SIL1: variants seen among roughly 807,000 people sequenced by gnomAD.
The protein encoded by SIL1 is nucleotide exchange factor SIL1.
In SIL1, 40 loss-of-function variants were observed where a neutral mutation model predicts 49.1. That is an observed-to-expected ratio of 0.81 (90% CI 0.63 to 1.06). SIL1 has a LOEUF of 1.06. Ranked by LOEUF, SIL1 falls within the 50% of genes least tolerant of loss-of-function variation. The pLI, the probability that SIL1 is intolerant of heterozygous loss-of-function variation, is 0.00. For missense variants in SIL1, 500 were observed against 572.6 expected (o/e 0.87, Z 1.29); for synonymous variants, 253 against 250.8 (o/e 1.01, Z -0.08).
At chr5:139,057,314 T>TAAAAAAAAAAAAAAAAAA (rs67544778) in intron 3 of SIL1, among the ~76,000 whole-genome samples, 2 of 73,384 alleles carry the variant, frequency 2.7e-5, no homozygotes, top group Non-Finnish European at 5.6e-5. Flanking sequence ...GAATGATCAA[T>TAAAAAAAAAAAAAAAAAA]AAAAAAAAAA....
intron 1 of SIL1, among the ~76,000 whole-genome samples, chr5:139,141,249 G>C (rs1230505956): frequency 2.0e-5 from 3 of 152,100 alleles, no homozygotes; most frequent in Non-Finnish European, 2.9e-5. Flanking sequence ...AATAGCCATT[G>C]ATTTAATAAA....
intron 5 of SIL1, among the ~76,000 whole-genome samples, chr5:139,033,938 G>A (rs574645289): frequency 2.0e-5 from 3 of 152,274 alleles, no homozygotes; most frequent in Admixed American, 1.3e-4. Flanking sequence ...AACTGTAATT[G>A]CGGATTTGTC....
intron 3 of SIL1, among the ~76,000 whole-genome samples, chr5:139,069,185 G>A (rs1190441058): frequency 6.6e-6 from 1 of 152,114 alleles, no homozygotes; most frequent in Non-Finnish European, 1.5e-5. Flanking sequence ...CTACTTGGGA[G>A]GCTGAGGTGG....
chr5:139,134,272 A>G (rs895630877), intron 1 of SIL1, among the ~76,000 whole-genome samples: 5 of 152,132 alleles, frequency 3.3e-5, no homozygotes, highest in African/African-American at 1.2e-4. Context: ...CGAGTAGCAG[A>G]TATGGTGTGC....
At chr5:138,989,255 C>T (rs1300263132) in intron 7 of SIL1, among the ~76,000 whole-genome samples, 1 of 152,064 alleles carries the variant, frequency 6.6e-6, no homozygotes, top group Non-Finnish European at 1.5e-5. Context: ...AAACAAGAAT[C>T]TTATATATCC....
chr5:139,094,791 C>T (rs1310036558), intron 3 of SIL1, among the ~76,000 whole-genome samples: 1 of 152,188 alleles, frequency 6.6e-6, no homozygotes, highest in African/African-American at 2.4e-5. Context: ...CATGAATATC[C>T]TCTTCCTGTT....
chr5:139,035,072 G>T, intron 5 of SIL1: 2 of 196,584 alleles, frequency 1.0e-5, no homozygotes, highest in East Asian at 1.4e-4. Flanking sequence ...GTCTTCTTTT[G>T]AAAAGTGTCT....
rs191933817 is a variant in SIL1, at chr5:139,033,880, G to A, written c.454-6888C>T. Reference sequence around the variant, plus strand: ...AGCTCTTTAATACCCTTACTGATCCGCTGTCTAGTAGTTCTAGCAATTCTG... The same window carrying A: ...AGCTCTTTAATACCCTTACTGATCCACTGTCTAGTAGTTCTAGCAATTCTG... On this transcript the variant is annotated intron_variant, in intron 5 of 9. Coordinates refer to ENST00000394817, the MANE Select transcript of SIL1 (RefSeq NM_022464.5). Among the ~76,000 whole-genome samples the A allele has an allele frequency of 8.9e-4, 135 of 152,234 alleles. 1 individual carries two copies. Among genetic ancestry groups the A allele is most frequent in the African/African-American group, 3.0e-3 (126 of 41,560 alleles).
chr5:138,973,651 G>A (rs950505592), intron 7 of SIL1, among the ~76,000 whole-genome samples: 6 of 152,022 alleles, frequency 3.9e-5, no homozygotes, highest in African/African-American at 1.4e-4. Flanking sequence ...TAGAGCTGAG[G>A]TCTCACTATG....
At chr5:139,187,516 T>G (rs1752096428) in intron 1 of SIL1, among the ~76,000 whole-genome samples, 1 of 114,052 alleles carries the variant, frequency 8.8e-6, no homozygotes, top group African/African-American at 3.0e-5. Flanking sequence ...AGACTCCATC[T>G]TAAAAAAAAA....
chr5:139,068,872 G>C (rs1769767363), intron 3 of SIL1, among the ~76,000 whole-genome samples: 3 of 151,988 alleles, frequency 2.0e-5, no homozygotes, highest in Admixed American at 6.6e-5. Flanking sequence ...AGAAAGACAT[G>C]GCCACAAACA....
chr5:139,013,633 G>A (rs988677106), intron 7 of SIL1: 3 of 152,184 alleles, frequency 2.0e-5, no homozygotes, highest in African/African-American at 7.2e-5. Context: ...GTTACACAGA[G>A]CAGTGGCTCT....
chr5:139,018,691 GAAAGA>G (rs1395969023), intron 7 of SIL1, among the ~76,000 whole-genome samples: 8 of 151,184 alleles, frequency 5.3e-5, no homozygotes, highest in Non-Finnish European at 1.2e-4. Flanking sequence ...TTTTATTGCA[GAAAGA>G]AAAGAAATAA....
chr5:139,108,811 C>G (rs887680760), intron 3 of SIL1, among the ~76,000 whole-genome samples: 6 of 151,302 alleles, frequency 4.0e-5, no homozygotes, highest in Non-Finnish European at 5.9e-5. Flanking sequence ...CAGTCAGCTG[C>G]AGGTAGAGGC....
chr5:139,168,621 GCT>G (rs1491449926), intron 1 of SIL1, among the ~76,000 whole-genome samples: 1 of 116,092 alleles, frequency 8.6e-6, no homozygotes, highest in Non-Finnish European at 2.1e-5. Flanking sequence ...AAGGGCCAAT[GCT>G]TTTTTTTTTC....
intron 5 of SIL1, among the ~76,000 whole-genome samples, chr5:139,039,430 C>T (rs1768991551): frequency 6.6e-6 from 1 of 152,132 alleles, no homozygotes; most frequent in African/African-American, 2.4e-5. Context: ...GGTTTCTATC[C>T]TGTTAGGATG....
chr5:138,989,319 C>T (rs1471532856), intron 7 of SIL1, among the ~76,000 whole-genome samples: 3 of 152,228 alleles, frequency 2.0e-5, no homozygotes, highest in Admixed American at 6.5e-5. Context: ...GAGGCCAAGG[C>T]GGGCAGATCA....
chr5:139,035,408 G>A, intron 5 of SIL1: 1 of 539,770 alleles, frequency 1.9e-6, no homozygotes, highest in Non-Finnish European at 3.7e-6. Flanking sequence ...TGACGATCAG[G>A]GCAGAGGCAG....
At chr5:139,141,959 A>G (rs532755130) in intron 1 of SIL1, among the ~76,000 whole-genome samples, 2 of 152,336 alleles carry the variant, frequency 1.3e-5, no homozygotes, top group African/African-American at 4.8e-5. Flanking sequence ...AGATCAGACC[A>G]TACACTCATC....
Sources: allele counts gnomAD v4.1 joint callset (sites outside exome capture counted in the v4.1 genomes callset), GRCh38; gene constraint gnomAD v4.1.1; transcripts MANE v1.5; gene names NCBI Gene and HGNC (gene_info 2026-07-23, HGNC 2026-07-21).